The following SPTBN2 variants were observed in gnomAD, a reference collection of about 807,000 sequenced individuals.
The protein encoded by SPTBN2 is spectrin beta chain, non-erythrocytic 2.
Under a neutral mutation model 284.2 loss-of-function variants are expected in SPTBN2, and 107 were observed. The observed-to-expected ratio is 0.38, with a 90% CI of 0.32 to 0.44. The LOEUF is 0.44. Ranked by LOEUF, SPTBN2 falls within the 20% of genes least tolerant of loss-of-function variation. The pLI, the probability that SPTBN2 is intolerant of heterozygous loss-of-function variation, is 1.00. For synonymous variants in SPTBN2, 1,289 were observed against 1,354.8 expected, an observed-to-expected ratio of 0.95 and a Z score of 1.07; for missense variants, 2,569 against 3,287.1, an observed-to-expected ratio of 0.78 and a Z score of 5.34.
Position 66,718,089 on chromosome 11 carries a change from C to T in SPTBN2, c.158-2108G>A, listed in dbSNP as rs776446473. ...CTGGCCAGCGCTCCACCGCCAGATC[C>T]GGATCCACCTCAGAGGCACTGCTGG... On this transcript the variant is annotated intron_variant, in intron 3 of 37. Transcript: ENST00000533211. This position sits in a 1 kb window ranked among gnomAD's most constrained non-coding sequence, Gnocchi z 4.8. 1.3e-4 allele frequency among the ~76,000 whole-genome samples: 20 copies of T among 152,148 alleles called. No homozygotes were observed. Among genetic ancestry groups the T allele is most frequent in the Non-Finnish European group, 2.1e-4 (14 of 68,010 alleles).
In SPTBN2 at chr11:66,685,837, G is replaced by A; in HGVS notation, c.*34C>T. On this transcript the variant is annotated 3_prime_UTR_variant, in exon 38 of 38. Coordinates refer to ENST00000533211, the MANE Select transcript of SPTBN2 (RefSeq NM_006946.4). The surrounding 1 kb of genome is among the most constrained non-coding windows in gnomAD (Gnocchi z 4.4). ...ACTGTCCCTGGCAGTTTCCTGAACG[G>A]AGGGAGGGAGTTGGCCTGGGACCTT... The A allele has an allele frequency of 6.3e-7, 1 of 1,598,208 alleles. No homozygotes were observed. Among genetic ancestry groups the A allele is most frequent in the Non-Finnish European group, 8.6e-7 (1 of 1,166,672 alleles).
intron 21 of SPTBN2, 29 bp from the exon 22 acceptor site, chr11:66,694,392 T>TA: frequency 6.2e-7 from 1 of 1,607,296 alleles, no homozygotes; most frequent in South Asian, 1.1e-5. Flanking sequence ...AAGGACATGT[T>TA]AGCTCTGCAT....
intron 26 of SPTBN2, 83 bp downstream of exon 26, chr11:66,692,453 G>T: frequency 1.3e-6 from 2 of 1,531,422 alleles, no homozygotes; most frequent in Non-Finnish European, 1.8e-6. Flanking sequence ...TCAGTGCTCT[G>T]CCTGGGACTA....
At chr11:66,720,963 T>C (rs571459230) in intron 3 of SPTBN2, 121 bp downstream of exon 3, 12 of 1,337,862 alleles carry the variant, frequency 9.0e-6, no homozygotes, top group Non-Finnish European at 1.2e-5. Context: ...ATTGATAGAG[T>C]GCTCTGGGTC....
chr11:66,689,659 G>C, intron 29 of SPTBN2, 146 bp downstream of exon 29: 1 of 1,310,274 alleles, frequency 7.6e-7, no homozygotes. Context: ...GAGATTTCCA[G>C]AATGCGAGAA....
intron 1 of SPTBN2, among the ~76,000 whole-genome samples, chr11:66,722,508 G>A (rs1006621076): frequency 1.1e-4 from 16 of 150,030 alleles, no homozygotes; most frequent in Admixed American, 2.7e-4. Flanking sequence ...CCCAGGAGGC[G>A]GAGCTTGCAG....
chr11:66,687,642 A>G lies in SPTBN2; in HGVS notation c.6507T>C (p.Pro2169=), dbSNP rs768790038. Residue 2169 remains proline, a synonymous_variant, in exon 35 of 38, where the codon CCT becomes CCC. Transcript: ENST00000533211. The surrounding 1 kb of genome is among the most constrained non-coding windows in gnomAD (Gnocchi z 5.2). ...EHSSFPEGPG[P]GSGDEANGPR... ...GCCCATTGGCTTCGTCCCCTGAGCC[A>G]GGTCCCTGGGGGGGAATCAGTGTCA... 6.3e-7 allele frequency: 1 copy of G among 1,594,726 alleles called. No homozygotes were observed. Among genetic ancestry groups the G allele is most frequent in the South Asian group, 1.1e-5 (1 of 89,448 alleles).
rs777840002 is a variant in SPTBN2, at chr11:66,721,067, C to T, written c.157+17G>A. On this transcript the variant is annotated intron_variant, in intron 3 of 37. Coordinates refer to ENST00000533211, the MANE Select transcript of SPTBN2 (RefSeq NM_006946.4). Reference sequence around the variant, plus strand: ...CTCCTCCAGCATCCCCCCACCTCGACCCTCCTCTGACCTCACCTGCCAGAG... The same window carrying T: ...CTCCTCCAGCATCCCCCCACCTCGATCCTCCTCTGACCTCACCTGCCAGAG... 17 of 1,614,062 alleles carry T rather than the reference C, an allele frequency of 1.1e-5. No individual in the cohort carries two copies. The highest frequency in any genetic ancestry group is 6.7e-5 in the Admixed American group (4 of 60,006).
At chr11:66,702,937 C>CAAAAAA (rs1170116245) in intron 15 of SPTBN2, among the ~76,000 whole-genome samples, 3 of 42,634 alleles carry the variant, frequency 7.0e-5, no homozygotes, top group Admixed American at 7.1e-4. Context: ...GACTCCGTCT[C>CAAAAAA]AAAAAAAAAA....
In SPTBN2 at chr11:66,691,263, C is replaced by G; in HGVS notation, c.5565+21G>C. The G allele has an allele frequency of 1.3e-6, 2 of 1,513,658 alleles. No homozygotes were observed. Among genetic ancestry groups the G allele is most frequent in the Non-Finnish European group, 1.8e-6 (2 of 1,129,992 alleles). The allele number at this position is 1,513,658 out of a possible 1,614,324, so 93.8% of individuals were successfully genotyped here. Reference sequence around the variant, plus strand: ...ATGGCCTCCTCTAAGCCTCCCCCACCTCCTCATGCTTGGGTCAGACCTGGG... The same window carrying G: ...ATGGCCTCCTCTAAGCCTCCCCCACGTCCTCATGCTTGGGTCAGACCTGGG... On this transcript the variant is annotated intron_variant, in intron 27 of 37. Transcript: ENST00000533211. This position sits in a 1 kb window ranked among gnomAD's most constrained non-coding sequence, Gnocchi z 8.0.
Position 66,687,480 on chromosome 11 carries a change from C to A in SPTBN2, c.6669G>T (p.Gly2223=). 1 of 1,610,780 alleles carries A rather than the reference C, an allele frequency of 6.2e-7. No individual in the cohort carries two copies. The highest frequency in any genetic ancestry group is 1.6e-4 in the Middle Eastern group (1 of 6,062). The change falls in exon 35 of 38, where the codon GGG becomes GGT. Residue 2223 remains glycine, a synonymous_variant. Transcript: ENST00000533211. This position sits in a 1 kb window ranked among gnomAD's most constrained non-coding sequence, Gnocchi z 5.2. ...CCATCTCCTGCTTGCGGCACAGCAT[C>A]CCCTCCATCTGCTCCTGGGCAGATG... ...PEPSAQEQME[G]MLCRKQEMEA...
intron 1 of SPTBN2, among the ~76,000 whole-genome samples, chr11:66,736,726 G>C (rs565358402): frequency 6.6e-6 from 1 of 152,190 alleles, no homozygotes; most frequent in African/African-American, 2.4e-5. Flanking sequence ...CAGTTGAATT[G>C]CACTAGAAAC....
At position 66,715,495 on chromosome 11, in the gene SPTBN2, C is replaced by G; in HGVS notation, c.310-100G>C. The G allele has an allele frequency of 2.1e-6, 3 of 1,456,712 alleles. No homozygotes were observed. Among genetic ancestry groups the G allele is most frequent in the Non-Finnish European group, 2.8e-6 (3 of 1,078,846 alleles). 90.2% of individuals were successfully genotyped at this position (1,456,712 alleles called of 1,614,324 possible). On this transcript the variant is annotated intron_variant, in intron 4 of 37. Transcript: ENST00000533211. This position sits in a 1 kb window ranked among gnomAD's most constrained non-coding sequence, Gnocchi z 5.3. ...CTTTGCACACCTTCCCCATGACCTACCTCAGGAACACAGACAGGCACAGCC... is the reference window on the plus strand; with the variant it reads ...CTTTGCACACCTTCCCCATGACCTAGCTCAGGAACACAGACAGGCACAGCC...
rs759206588 is a variant in SPTBN2 at position 66,687,613 on chromosome 11, C to T, written c.6536G>A (p.Arg2179Gln). 36 of 1,605,130 alleles carry T rather than the reference C, an allele frequency of 2.2e-5. No homozygotes were observed. Among genetic ancestry groups the T allele is most frequent in the South Asian group, 9.9e-5 (9 of 90,718 alleles). ...CCGAGTCCGGGTCTGCCTCTCTCCC[C>T]GGGGCCCATTGGCTTCGTCCCCTGA... Reference protein sequence around the residue: ...PGSGDEANGPRGERQTRTRGP... With the variant: ...PGSGDEANGPQGERQTRTRGP... The change falls in exon 35 of 38, where the codon CGG becomes CAG. Residue 2179 changes from arginine (R) to glutamine (Q), a missense_variant. Physicochemically the swap from Arg to Gln is conservative, Grantham distance 43. Around this residue, in one of 6 missense-constraint regions of SPTBN2, gnomAD observed 1,130 missense variants for 1,317.3 expected, o/e 0.86. Transcript: ENST00000533211. This position sits in a 1 kb window ranked among gnomAD's most constrained non-coding sequence, Gnocchi z 5.2.
Position 66,689,381 on chromosome 11 carries a change from T to G in SPTBN2, c.5950-201A>C, listed in dbSNP as rs1940380976. On this transcript the variant is annotated intron_variant, in intron 29 of 37. Transcript: ENST00000533211. ...CCTCCACCTCCCAGGTTCAAGCAAT[T>G]CTCCTGCCTCAGCCTCCGAGTAGCT... 4.2e-5 allele frequency: 25 copies of G among 590,962 alleles called. No individual in the cohort carries two copies. The South Asian group carries it at 5.0e-4, about 12-fold the overall frequency. 36.6% of individuals were successfully genotyped at this position (590,962 alleles called of 1,614,324 possible). A position where few individuals can be genotyped will look rare whatever the true frequency, so the allele number is the denominator to read the frequency against.
rs1315635630 is a variant in SPTBN2, at chr11:66,687,769, T to G, written c.6501+99A>C. ...CCAAGCTGCCTGTGAGCCTCTGCCC[T>G]CTCCCATCCCATCCCCAGTACTCCC... On this transcript the variant is annotated intron_variant, in intron 34 of 37. Transcript: ENST00000533211. The surrounding 1 kb of genome is among the most constrained non-coding windows in gnomAD (Gnocchi z 5.2). 1.3e-6 allele frequency: 2 copies of G among 1,590,568 alleles called. No homozygotes were observed. Among genetic ancestry groups the G allele is most frequent in the Non-Finnish European group, 1.7e-6 (2 of 1,159,564 alleles).
chr11:66,729,292 C>G (rs928137956), upstream of SPTBN2: 1 of 152,212 alleles, frequency 6.6e-6, no homozygotes, highest in Non-Finnish European at 1.5e-5. Flanking sequence ...CTCCCACCCC[C>G]ACTCCAGCTC....
chr11:66,737,675 T>G (rs939715879), intron 1 of SPTBN2, among the ~76,000 whole-genome samples: 2 of 152,186 alleles, frequency 1.3e-5, no homozygotes, highest in Middle Eastern at 3.2e-3. Context: ...GATACCAACT[T>G]GTTATGACTG....
intron 19 of SPTBN2, 42 bp downstream of exon 19, chr11:66,698,950 A>G (rs758797820): frequency 6.2e-7 from 1 of 1,611,026 alleles, no homozygotes; most frequent in East Asian, 2.2e-5. Context: ...AAGGTGAGAA[A>G]GGGATGGCTA....
Sources: gnomAD v4.1 joint callset for allele counts (sites outside exome capture counted in the v4.1 genomes callset) on GRCh38, gnomAD v4.1.1 for gene constraint, gnomAD v4.1.1 regional missense constraint, Gnocchi (gnomAD v3.1) non-coding constraint, MANE v1.5 for transcripts, NCBI Gene and HGNC (gene_info 2026-07-23, HGNC 2026-07-21) for gene names.